The following FAM131C variants were observed in gnomAD, a reference collection of about 807,000 sequenced individuals.
FAM131C encodes family with sequence similarity 131 member C.
A neutral mutation model predicts 29.8 loss-of-function variants in FAM131C; 14 were observed. The ratio of observed to expected loss-of-function variants is 0.47; its 90% confidence interval spans 0.31 to 0.73. The LOEUF is 0.73. FAM131C is among the 30% of genes least tolerant of loss of function. FAM131C has a pLI of 0.05. For missense variants in FAM131C, 252 were observed against 383.8 expected (o/e 0.66, Z 2.87); for synonymous variants, 86 against 157.8 (o/e 0.54, Z 3.41).
intron 1 of FAM131C, among the ~76,000 whole-genome samples, chr1:16,072,645 C>T (rs2023764806): frequency 1.3e-5 from 2 of 152,124 alleles, no homozygotes; most frequent in African/African-American, 4.8e-5. Flanking sequence ...AAAGACCAAA[C>T]TGCCCATCCC....
intron 2 of FAM131C, among the ~76,000 whole-genome samples, chr1:16,063,154 A>G (rs556443006): frequency 1.4e-5 from 2 of 143,934 alleles, no homozygotes; most frequent in Admixed American, 1.4e-4. Flanking sequence ...TATATAATAT[A>G]TATAAGTTAT....
intron 1 of FAM131C, among the ~76,000 whole-genome samples, chr1:16,072,007 GT>G (rs2023755242): frequency 6.6e-6 from 1 of 152,160 alleles, no homozygotes; most frequent in African/African-American, 2.4e-5. Flanking sequence ...AACCTTTGGG[GT>G]TTCTGGAGCC....
At position 16,062,658 on chromosome 1, in the gene FAM131C, G is replaced by A. The variant is rs2023619448; in HGVS notation, c.139-124C>T. On this transcript the variant is annotated intron_variant, in intron 2 of 6. Transcript: ENST00000375662. ...TCTTCTGGTGCTGTGTGAGGTTGGG[G>A]TCTGCCCTCTCATGGGTCATGCTCT... The A allele has an allele frequency of 7.8e-6, 11 of 1,407,560 alleles. No homozygotes were observed. The South Asian group carries it at 1.4e-4, about 19-fold the overall frequency. The allele number at this position is 1,407,560 out of a possible 1,614,324, so 87.2% of individuals were successfully genotyped here.
intron 1 of FAM131C, among the ~76,000 whole-genome samples, chr1:16,067,571 TGATTCTTCAAGGA>T (rs1430888984): frequency 2.0e-5 from 3 of 152,160 alleles, no homozygotes; most frequent in Non-Finnish European, 4.4e-5. Flanking sequence ...AGGGCCATCT[TGATTCTTCAAGGA>T]GAGGGTGTCA....
intron 1 of FAM131C, 109 bp from the exon 2 acceptor site, chr1:16,063,745 C>G (rs1294918954): frequency 1.5e-6 from 1 of 673,092 alleles, no homozygotes; most frequent in Non-Finnish European, 2.5e-6. Flanking sequence ...TTTTATCCAA[C>G]AACATCGTAG....
intron 4 of FAM131C, among the ~76,000 whole-genome samples, chr1:16,060,923 C>T (rs2023583548): frequency 6.6e-6 from 1 of 152,086 alleles, no homozygotes; most frequent in South Asian, 2.1e-4. Flanking sequence ...GACCCAGCAA[C>T]AGACAAGGCA....
intron 1 of FAM131C, among the ~76,000 whole-genome samples, chr1:16,071,607 G>A (rs1432791277): frequency 6.6e-6 from 1 of 152,156 alleles, no homozygotes; most frequent in East Asian, 1.9e-4. Context: ...GAGACTGCCA[G>A]GGGCCCCGTC....
rs970209662 is a variant in FAM131C, at chr1:16,063,374, T to C, written c.138+147A>G. On this transcript the variant is annotated intron_variant, in intron 2 of 6. Coordinates refer to ENST00000375662, the MANE Select transcript of FAM131C (RefSeq NM_182623.3). ...CAGTCCAGCCCCTCATGCTGCTGAA[T>C]ACCAGGCCTTAGGGCCCCTGGTCCC... is the stretch of plus-strand genomic sequence containing the variant. 7 of 638,486 alleles carry C rather than the reference T, an allele frequency of 1.1e-5. No individual in the cohort carries two copies. The African/African-American group carries it at 1.4e-4, about 13-fold the overall frequency. The allele number at this position is 638,486 out of a possible 1,614,324, so 39.6% of individuals were successfully genotyped here. A position where few individuals can be genotyped will look rare whatever the true frequency, so the allele number is the denominator to read the frequency against.
intron 1 of FAM131C, among the ~76,000 whole-genome samples, chr1:16,064,933 C>G (rs1320037568): frequency 6.6e-6 from 1 of 152,250 alleles, no homozygotes. Flanking sequence ...ATCCTGGCCT[C>G]TGGCCTCTCT....
intron 1 of FAM131C, among the ~76,000 whole-genome samples, chr1:16,066,240 G>A (rs902266752): frequency 3.9e-5 from 6 of 152,326 alleles, no homozygotes; most frequent in South Asian, 2.1e-4. Context: ...AGAAGAGACC[G>A]TAGGTTTCTG....
chr1:16,061,241 T>C (rs1407156555), intron 4 of FAM131C, among the ~76,000 whole-genome samples: 2 of 151,644 alleles, frequency 1.3e-5, no homozygotes, highest in Admixed American at 6.6e-5. Context: ...GGGTGTTTTG[T>C]AGGAAGTAGG....
chr1:16,064,316 C>G (rs2023645619), intron 1 of FAM131C, among the ~76,000 whole-genome samples: 1 of 152,146 alleles, frequency 6.6e-6, no homozygotes, highest in African/African-American at 2.4e-5. Context: ...AAAGGTGTCA[C>G]CTGGATCTTT....
rs575476195 is a variant in FAM131C, at chr1:16,073,598, C to G, written c.-156G>C. The G allele has an allele frequency of 2.8e-3, 692 of 251,460 alleles. 12 individuals are homozygous for G. Among genetic ancestry groups the G allele is most frequent in the African/African-American group, 0.015 (667 of 43,566 alleles). The allele number at this position is 251,460 out of a possible 1,614,324, so 15.6% of individuals were successfully genotyped here. On this transcript the variant is annotated 5_prime_UTR_variant, in exon 1 of 7. Coordinates refer to ENST00000375662, the MANE Select transcript of FAM131C (RefSeq NM_182623.3). ...GCTCGGCCTCAGCTCCAGCCTGGGTCGTCCCTGCTGCCGCCGCGCCCGGCT... is the reference window on the plus strand; with the variant it reads ...GCTCGGCCTCAGCTCCAGCCTGGGTGGTCCCTGCTGCCGCCGCGCCCGGCT...
At chr1:16,061,382 C>T (rs1352890284) in intron 4 of FAM131C, among the ~76,000 whole-genome samples, 1 of 152,088 alleles carries the variant, frequency 6.6e-6, no homozygotes, top group Non-Finnish European at 1.5e-5. Context: ...GTGCTGGGGC[C>T]ACCTGATGCT....
intron 1 of FAM131C, among the ~76,000 whole-genome samples, chr1:16,073,155 G>T (rs1557482334): frequency 6.6e-6 from 1 of 152,066 alleles, no homozygotes; most frequent in African/African-American, 2.4e-5. Flanking sequence ...GGATGAGAGC[G>T]CGGCACGGCA....
At chr1:16,068,262 C>T (rs951780483) in intron 1 of FAM131C, among the ~76,000 whole-genome samples, 12 of 152,252 alleles carry the variant, frequency 7.9e-5, no homozygotes, top group South Asian at 2.1e-4. Flanking sequence ...TCTCACTTTC[C>T]GCTGCAGGGG....
chr1:16,063,332 T>TCCCTGGATGCTCAGTCCAGTCCAGC (rs58765393), intron 2 of FAM131C, among the ~76,000 whole-genome samples, 189 bp downstream of exon 2: 7,585 of 151,878 alleles, frequency 0.05, 279 homozygotes, highest in African/African-American at 0.098. Flanking sequence ...CCTGGTCCAG[T>TCCCTGGATGCTCAGTCCAGTCCAGC]CCCTGGATGC....
rs538574896 is a variant in FAM131C, at chr1:16,058,554, C to A, written c.726G>T (p.Gln242His). The A allele has an allele frequency of 6.5e-7, 1 of 1,533,510 alleles. No individual in the cohort carries two copies. Among genetic ancestry groups the A allele is most frequent in the African/African-American group, 1.4e-5 (1 of 73,064 alleles). The allele number at this position is 1,533,510 out of a possible 1,614,324, so 95.0% of individuals were successfully genotyped here. The change falls in exon 7 of 7, where the codon CAG (glutamine) becomes CAT (histidine). Residue 242 changes from glutamine (Q) to histidine (H), a missense_variant. Physicochemically the swap from Gln to His is conservative, Grantham distance 24 (BLOSUM62 0). This residue lies in a region of FAM131C where 11 missense variants were observed against 76.8 expected (regional missense o/e 0.14). Coordinates refer to ENST00000375662, the MANE Select transcript of FAM131C (RefSeq NM_182623.3). ...GGGCCCCGGGCAGCCGCCGCCGATG[C>A]TGCAGCTCTGGGCTGGGGGGCTGCG... Reference protein sequence around the residue: ...GIPQPPSPELQHRRRLPGAQG... With the variant: ...GIPQPPSPELHHRRRLPGAQG...
intron 1 of FAM131C, among the ~76,000 whole-genome samples, chr1:16,064,739 G>A (rs771625943): frequency 3.3e-5 from 5 of 152,200 alleles, no homozygotes; most frequent in Non-Finnish European, 7.3e-5. Flanking sequence ...CGTGCAGAGA[G>A]CTGTGTCCCA....
Sources: allele counts gnomAD v4.1 joint callset (sites outside exome capture counted in the v4.1 genomes callset), GRCh38; gene constraint gnomAD v4.1.1; regional missense constraint gnomAD v4.1.1; transcripts MANE v1.5; gene names NCBI Gene and HGNC (gene_info 2026-07-23, HGNC 2026-07-21).